USH2A: variants seen among roughly 807,000 people sequenced by gnomAD.
USH2A encodes usherin, also known as Usher syndrome 2A (autosomal recessive, mild).
A neutral mutation model predicts 538.9 loss-of-function variants in USH2A; 443 were observed. The ratio of observed to expected loss-of-function variants is 0.82; its 90% CI spans 0.76 to 0.89. USH2A has a LOEUF of 0.89. Among genes scored for constraint, USH2A ranks in the 40% least tolerant of loss-of-function variants. The pLI is 0.00. For synonymous variants in USH2A, 2,413 were observed against 2,273.5 expected (o/e 1.06, Z -1.75); for missense variants, 6,633 against 6,324.8 (o/e 1.05, Z -1.65).
chr1:215,633,549 G>GT (rs1267199954), intron 70 of USH2A, among the ~76,000 whole-genome samples: 1 of 152,154 alleles, frequency 6.6e-6, no homozygotes, highest in East Asian at 1.9e-4. Flanking sequence ...ACTCACTGCT[G>GT]TTTTTTTAAA....
chr1:215,941,343 A>T (rs932264094), intron 37 of USH2A, among the ~76,000 whole-genome samples: 5 of 152,112 alleles, frequency 3.3e-5, no homozygotes, highest in African/African-American at 1.2e-4. Context: ...AAAGAGAGAG[A>T]GAGTAAATTC....
chr1:216,070,345 T>C (rs1251829393), intron 29 of USH2A, 53 bp from the exon 30 acceptor site: 32 of 1,537,838 alleles, frequency 2.1e-5, no homozygotes, highest in Non-Finnish European at 2.9e-5. Context: ...GAGAAGACTA[T>C]TGCTCCTATT....
chr1:215,741,399 A>G lies in USH2A; in HGVS notation c.11687T>C (p.Ile3896Thr). The part of the protein sequence containing the change: ...KWMPPEKPNG[I>T]IINYFIYRRP... Reference sequence around the variant, plus strand: ...CCTGTAAATAAAGTAGTTGATGATGATTCCATTTGGTTTTTCAGGTGGCAT... The same window carrying G: ...CCTGTAAATAAAGTAGTTGATGATGGTTCCATTTGGTTTTTCAGGTGGCAT... Residue 3896 changes from isoleucine (I) to threonine (T), a missense_variant, in exon 60 of 72, where the codon ATC becomes ACC. Physicochemically the swap from Ile to Thr is moderately conservative, Grantham distance 89. Transcript: ENST00000307340. 1 of 1,614,116 alleles carries G rather than the reference A, an allele frequency of 6.2e-7. No homozygotes were observed. Among genetic ancestry groups the G allele is most frequent in the Non-Finnish European group, 8.5e-7 (1 of 1,180,014 alleles).
intron 69 of USH2A, among the ~76,000 whole-genome samples, chr1:215,638,358 G>C (rs543976726): frequency 6.6e-6 from 1 of 152,050 alleles, no homozygotes; most frequent in Non-Finnish European, 1.5e-5. Flanking sequence ...AGTGGCTCAC[G>C]CCTGTAATTC....
chr1:215,996,560 G>GTTT lies in USH2A; in HGVS notation c.6657+2324_6657+2326dup, dbSNP rs753233925. Among the ~76,000 whole-genome samples, 105 of 51,720 alleles carry GTTT rather than the reference G, an allele frequency of 2.0e-3. 26 individuals carry two copies. The highest frequency in any genetic ancestry group is 2.3e-3 in the Non-Finnish European group (75 of 31,972). 33.9% of individuals were successfully genotyped at this position (51,720 alleles called of 152,430 possible). A position where few individuals can be genotyped will look rare whatever the true frequency, so the allele number is the denominator to read the frequency against. On this transcript the variant is annotated intron_variant, in intron 34 of 71. Transcript: ENST00000307340. ...TTTGTTGAGAGTAGCAACATATTAT[G>GTTT]TTTTTTTTTTTTTTTTTTTTTTTTT... is the stretch of plus-strand genomic sequence containing the variant.
In USH2A at chr1:216,200,905, G is replaced by A. The variant is rs1168812947; in HGVS notation, c.3317-784C>T. 2.6e-5 allele frequency among the ~76,000 whole-genome samples: 4 copies of A among 151,770 alleles called. No individual in the cohort carries two copies. In the East Asian group the frequency reaches 7.8e-4, roughly 30 times the overall value. On this transcript the variant is annotated intron_variant, in intron 16 of 71. Transcript: ENST00000307340. ...ATGCGAGGAGGGTTCCATTAAGCAG[G>A]GGTGCCCTATAGCAATATGAAGGTC... is the stretch of plus-strand genomic sequence containing the variant.
chr1:216,226,079 G>T (rs1368108869), intron 14 of USH2A, among the ~76,000 whole-genome samples: 1 of 152,154 alleles, frequency 6.6e-6, no homozygotes, highest in Non-Finnish European at 1.5e-5. Context: ...AAAGGAAGAG[G>T]TAATTTTAAG....
At chr1:216,169,182 T>C (rs1346136858) in intron 21 of USH2A, among the ~76,000 whole-genome samples, 1 of 152,094 alleles carries the variant, frequency 6.6e-6, no homozygotes, top group Non-Finnish European at 1.5e-5. Flanking sequence ...AACACACGTG[T>C]GGTTTATATA....
chr1:216,267,996 T>G (rs986323325), intron 11 of USH2A, among the ~76,000 whole-genome samples: 1 of 152,170 alleles, frequency 6.6e-6, no homozygotes, highest in Non-Finnish European at 1.5e-5. Context: ...GCAGGCAGAC[T>G]GCTATGATGT....
intron 13 of USH2A, among the ~76,000 whole-genome samples, chr1:216,245,837 T>A (rs1473410124): frequency 6.6e-6 from 1 of 152,198 alleles, no homozygotes; most frequent in African/African-American, 2.4e-5. Context: ...TGAGTTGGTA[T>A]CATGCTCATT....
rs545322619 is a variant in USH2A at position 215,831,316 on chromosome 1, A to C, written c.9371+6675T>G. 5.3e-5 allele frequency among the ~76,000 whole-genome samples: 8 copies of C among 152,160 alleles called. No individual in the cohort carries two copies. The South Asian group carries it at 1.7e-3, about 32-fold the overall frequency. ...TAACTGATAAAACAAGCAGGCAGAA[A>C]ATCAGTAAGTATATAGATGATCTGA... On this transcript the variant is annotated intron_variant, in intron 47 of 71. Coordinates refer to ENST00000307340, the MANE Select transcript of USH2A (RefSeq NM_206933.4).
intron 32 of USH2A, among the ~76,000 whole-genome samples, chr1:216,010,517 G>A (rs1473293640): frequency 7.9e-5 from 12 of 151,830 alleles, no homozygotes; most frequent in Non-Finnish European, 1.8e-4. Context: ...CATCACGGAT[G>A]CCGAGCTTTA....
rs962947927 is a variant in USH2A, at chr1:216,178,081, A to G, written c.4397-2599T>C. Among the ~76,000 whole-genome samples, 3 of 152,290 alleles carry G rather than the reference A, an allele frequency of 2.0e-5. No individual in the cohort carries two copies. The South Asian group carries it at 6.2e-4, about 32-fold the overall frequency. ...GAAATTCACCGTAAAGCAGCTTAGA[A>G]CAATTAGTATTTGTTACTTTTTAGA... On this transcript the variant is annotated intron_variant, in intron 20 of 71. Transcript: ENST00000307340.
intron 67 of USH2A, among the ~76,000 whole-genome samples, chr1:215,641,694 A>T (rs906769309): frequency 7.4e-4 from 113 of 152,358 alleles, no homozygotes; most frequent in African/African-American, 2.7e-3. Flanking sequence ...GAAAGGAGTG[A>T]GTAGTGAGAC....
intron 21 of USH2A, among the ~76,000 whole-genome samples, chr1:216,103,531 G>T (rs539251029): frequency 2.6e-5 from 4 of 152,276 alleles, no homozygotes; most frequent in Non-Finnish European, 5.9e-5. Flanking sequence ...ATACATTTCA[G>T]CTGATGAAAA....
At chr1:216,221,546 A>C (rs115596060) in intron 14 of USH2A, among the ~76,000 whole-genome samples, 1,985 of 152,294 alleles carry the variant, frequency 0.013, 50 homozygotes, top group African/African-American at 0.046. Context: ...TGAACAAGGA[A>C]ATACGAGTGC....
chr1:215,743,642 C>T (rs1660380131), intron 58 of USH2A, among the ~76,000 whole-genome samples: 1 of 151,022 alleles, frequency 6.6e-6, no homozygotes, highest in African/African-American at 2.4e-5. Context: ...TCCTGGCCAA[C>T]ATGGTGAAAC....
intron 41 of USH2A, among the ~76,000 whole-genome samples, chr1:215,885,099 G>T (rs1270345290): frequency 6.6e-6 from 1 of 151,706 alleles, no homozygotes; most frequent in East Asian, 1.9e-4. Context: ...TCAATTCAAG[G>T]CTTCAGTACA....
rs1353214336 is a variant in USH2A, at chr1:215,951,744, T to C, written c.7120+13573A>G. Among the ~76,000 whole-genome samples, 4 of 152,222 alleles carry C rather than the reference T, an allele frequency of 2.6e-5. No individual in the cohort carries two copies. In the East Asian group the frequency reaches 7.7e-4, roughly 29 times the overall value. ...TTTATTAATCTGGGTGCTCCTGTAT[T>C]GGGTGCATATATATGTAGGATAGTT... On this transcript the variant is annotated intron_variant, in intron 37 of 71. Transcript: ENST00000307340.
Sources: allele counts gnomAD v4.1 joint callset (sites outside exome capture counted in the v4.1 genomes callset), GRCh38; gene constraint gnomAD v4.1.1; transcripts MANE v1.5; gene names NCBI Gene and HGNC (gene_info 2026-07-23, HGNC 2026-07-21).